The following ST6GALNAC5 variants were observed in gnomAD, a reference collection of about 807,000 sequenced individuals.
ST6GALNAC5 encodes the protein alpha-N-acetylgalactosaminide alpha-2,6-sialyltransferase 5.
Under a neutral mutation model 33.6 loss-of-function variants are expected in ST6GALNAC5, and 27 were observed. The ratio of observed to expected loss-of-function variants is 0.80; its 90% CI spans 0.59 to 1.11. The LOEUF (loss-of-function observed/expected upper bound fraction) is 1.11, where lower values mean the gene tolerates loss of function less well. Ranked by LOEUF, ST6GALNAC5 falls within the 50% of genes least tolerant of loss-of-function variation. ST6GALNAC5 has a pLI of 0.00. For synonymous variants in ST6GALNAC5, 194 were observed against 171.2 expected (o/e 1.13, Z -1.04); for missense variants, 428 against 454.0 (o/e 0.94, Z 0.52).
At chr1:76,989,514 TA>T (rs776336046) in intron 2 of ST6GALNAC5, among the ~76,000 whole-genome samples, 293 of 143,340 alleles carry the variant, frequency 2.0e-3, no homozygotes, top group Non-Finnish European at 3.4e-3. Flanking sequence ...TATACTTTAT[TA>T]ATACATTTTT....
intron 2 of ST6GALNAC5, among the ~76,000 whole-genome samples, chr1:77,040,176 C>T (rs1054996247): frequency 6.6e-6 from 1 of 152,168 alleles, no homozygotes; most frequent in South Asian, 2.1e-4. Context: ...CCCCTGAATA[C>T]AAGAAACAGA....
intron 2 of ST6GALNAC5, among the ~76,000 whole-genome samples, chr1:76,890,595 G>A (rs923814720): frequency 4.7e-5 from 7 of 148,056 alleles, no homozygotes; most frequent in Non-Finnish European, 7.4e-5. Flanking sequence ...CTGTTAACTT[G>A]CTTAATAAAA....
At chr1:76,959,030 A>G (rs114732225) in intron 2 of ST6GALNAC5, among the ~76,000 whole-genome samples, 1,720 of 152,230 alleles carry the variant, frequency 0.011, 36 homozygotes, top group African/African-American at 0.039. Flanking sequence ...CCAAGCATTC[A>G]CCGGCTGACT....
At chr1:76,936,953 G>GGTGTGTGTGTGTGTGTGT (rs34309736) in intron 2 of ST6GALNAC5, among the ~76,000 whole-genome samples, 37 of 139,858 alleles carry the variant, frequency 2.6e-4, no homozygotes, top group South Asian at 9.6e-4. Context: ...AGAGAAGCAG[G>GGTGTGTGTGTGTGTGTGT]GTGTGTGTGT....
intron 2 of ST6GALNAC5, among the ~76,000 whole-genome samples, chr1:76,990,993 G>A (rs1455124122): frequency 6.6e-6 from 1 of 152,118 alleles, no homozygotes; most frequent in Non-Finnish European, 1.5e-5. Context: ...GTGGGCTATA[G>A]GCTGTAGAAG....
chr1:77,052,497 A>T (rs1401571391), intron 4 of ST6GALNAC5, among the ~76,000 whole-genome samples: 1 of 151,120 alleles, frequency 6.6e-6, no homozygotes, highest in Non-Finnish European at 1.5e-5. Flanking sequence ...ATAGATGTAG[A>T]GTGTTGGATG....
intron 2 of ST6GALNAC5, among the ~76,000 whole-genome samples, chr1:76,902,994 C>G (rs1646832674): frequency 6.6e-6 from 1 of 152,108 alleles, no homozygotes; most frequent in South Asian, 2.1e-4. Context: ...CCAACGAATT[C>G]TTAGGTGTAA....
chr1:76,958,775 T>G (rs1375223978), intron 2 of ST6GALNAC5, among the ~76,000 whole-genome samples: 2 of 152,056 alleles, frequency 1.3e-5, no homozygotes, highest in Non-Finnish European at 2.9e-5. Flanking sequence ...CTCTCTGTTT[T>G]GAATGCTTAC....
chr1:76,885,433 C>A (rs61785563), intron 2 of ST6GALNAC5, among the ~76,000 whole-genome samples: 12,620 of 152,038 alleles, frequency 0.083, 626 homozygotes, highest in Middle Eastern at 0.21. Context: ...TATTTTCATA[C>A]AATCAACACG....
intron 2 of ST6GALNAC5, among the ~76,000 whole-genome samples, chr1:77,032,662 A>G (rs1441339304): frequency 6.6e-6 from 1 of 152,172 alleles, no homozygotes; most frequent in Non-Finnish European, 1.5e-5. Flanking sequence ...GTACCTACCA[A>G]TAGATGACTG....
intron 4 of ST6GALNAC5, among the ~76,000 whole-genome samples, chr1:77,055,968 C>T (rs1318694282): frequency 6.6e-6 from 1 of 152,198 alleles, no homozygotes; most frequent in East Asian, 1.9e-4. Flanking sequence ...GTGCCAGGCA[C>T]ATTAAAACTA....
At chr1:76,874,369 C>T (rs1025977525) in intron 2 of ST6GALNAC5, among the ~76,000 whole-genome samples, 1 of 152,152 alleles carries the variant, frequency 6.6e-6, no homozygotes, top group African/African-American at 2.4e-5. Flanking sequence ...CTTAACCAAG[C>T]TAAATCTCAT....
chr1:76,954,838 G>T (rs2100342030), intron 2 of ST6GALNAC5, among the ~76,000 whole-genome samples: 1 of 152,198 alleles, frequency 6.6e-6, no homozygotes, highest in Non-Finnish European at 1.5e-5. Flanking sequence ...CCTTGGCTCT[G>T]ACATTTACCA....
chr1:76,913,174 A>G (rs113220610), intron 2 of ST6GALNAC5, among the ~76,000 whole-genome samples: 3 of 151,246 alleles, frequency 2.0e-5, no homozygotes, highest in African/African-American at 7.3e-5. Flanking sequence ...TCCTTCACTT[A>G]TGAAGCTTAG....
At chr1:76,971,906 AGTCCTTTT>A (rs1328175848) in intron 2 of ST6GALNAC5, among the ~76,000 whole-genome samples, 2 of 152,240 alleles carry the variant, frequency 1.3e-5, no homozygotes, top group Admixed American at 6.5e-5. Flanking sequence ...TACAATGAAA[AGTCCTTTT>A]CCTGCTTTAG....
In ST6GALNAC5 at chr1:77,006,316, G is replaced by A. The variant is rs180689748; in HGVS notation, c.262-37888G>A. ...ACTACAGGTGCATGCCACTACACCC[G>A]GCTAATTTTTTTTTTTTTTTTTTTT... On this transcript the variant is annotated intron_variant, in intron 2 of 4. Coordinates refer to ENST00000477717, the MANE Select transcript of ST6GALNAC5 (RefSeq NM_030965.3). Among the ~76,000 whole-genome samples, 31 of 137,472 alleles carry A rather than the reference G, an allele frequency of 2.3e-4. No individual in the cohort carries two copies. In the East Asian group the frequency reaches 2.3e-3, roughly 10 times the overall value. 90.2% of individuals were successfully genotyped at this position (137,472 alleles called of 152,430 possible).
At chr1:76,944,620 A>G (rs557474014) in intron 2 of ST6GALNAC5, among the ~76,000 whole-genome samples, 1 of 152,272 alleles carries the variant, frequency 6.6e-6, no homozygotes, top group South Asian at 2.1e-4. Context: ...GAATGAATGA[A>G]TGAATTTCAT....
chr1:76,886,587 TA>T (rs1253358282), intron 2 of ST6GALNAC5, among the ~76,000 whole-genome samples: 3 of 152,196 alleles, frequency 2.0e-5, no homozygotes, highest in Non-Finnish European at 4.4e-5. Flanking sequence ...TAAAATCAAC[TA>T]TTTCATTTTG....
At chr1:76,870,713 A>G (rs1653484127) in intron 2 of ST6GALNAC5, among the ~76,000 whole-genome samples, 1 of 152,222 alleles carries the variant, frequency 6.6e-6, no homozygotes. Flanking sequence ...GAAGTGCTAT[A>G]TGAATGATAA....
Sources: allele counts gnomAD v4.1 joint callset (sites outside exome capture counted in the v4.1 genomes callset), GRCh38; gene constraint gnomAD v4.1.1; transcripts MANE v1.5; gene names NCBI Gene and HGNC (gene_info 2026-07-23, HGNC 2026-07-21).